VTI1A: variants seen among roughly 807,000 people sequenced by gnomAD.
The protein encoded by VTI1A is vesicle transport through interaction with t-SNAREs homolog 1A.
A neutral mutation model predicts 34.9 loss-of-function variants in VTI1A; 22 were observed. The observed-to-expected ratio is 0.63, with a 90% CI of 0.45 to 0.90. The LOEUF is 0.90. VTI1A is among the 40% of genes least tolerant of loss of function. VTI1A has a pLI of 0.00. For synonymous variants in VTI1A, 87 were observed against 97.3 expected (o/e 0.89, Z 0.62); for missense variants, 268 against 275.6 (o/e 0.97, Z 0.20).
intron 7 of VTI1A, among the ~76,000 whole-genome samples, chr10:112,804,049 A>G (rs902501056): frequency 1.3e-5 from 2 of 152,220 alleles, no homozygotes; most frequent in Non-Finnish European, 2.9e-5. Flanking sequence ...TTTGCTGTAC[A>G]CATTTGGCAA....
intron 3 of VTI1A, among the ~76,000 whole-genome samples, chr10:112,508,329 T>G (rs1849500714): frequency 6.6e-6 from 1 of 152,220 alleles, no homozygotes; most frequent in Non-Finnish European, 1.5e-5. Flanking sequence ...TTTCATGCTC[T>G]TTGTCACCTT....
chr10:112,584,378 A>G (rs1386736587), intron 5 of VTI1A, among the ~76,000 whole-genome samples: 1 of 152,210 alleles, frequency 6.6e-6, no homozygotes, highest in Non-Finnish European at 1.5e-5. Context: ...TCAGGGCACT[A>G]CTGAGAAATA....
rs567451710 is a variant in VTI1A, at chr10:112,677,082, C to A, written c.560+8084C>A. 7.9e-5 allele frequency among the ~76,000 whole-genome samples: 12 copies of A among 152,242 alleles called. No individual in the cohort carries two copies. The East Asian group carries it at 2.3e-3, about 29-fold the overall frequency. ...GATTGGTTCTGGTTAGGTAAAACTC[C>A]ATTAATCTATGATCTGATGTTCTAG... On this transcript the variant is annotated intron_variant, in intron 7 of 7. Coordinates refer to ENST00000393077, the MANE Select transcript of VTI1A (RefSeq NM_145206.4).
chr10:112,658,649 C>T (rs542004341), intron 5 of VTI1A, among the ~76,000 whole-genome samples: 7 of 152,146 alleles, frequency 4.6e-5, no homozygotes, highest in Middle Eastern at 3.4e-3. Context: ...TCTAATCCTA[C>T]GGCAGCCAAG....
At chr10:112,641,086 G>T (rs561294202) in intron 5 of VTI1A, among the ~76,000 whole-genome samples, 2 of 150,770 alleles carry the variant, frequency 1.3e-5, no homozygotes, top group Non-Finnish European at 2.9e-5. Context: ...TTCTTTCAAG[G>T]TGATCATTCT....
At chr10:112,602,130 A>G (rs1844901139) in intron 5 of VTI1A, among the ~76,000 whole-genome samples, 1 of 152,234 alleles carries the variant, frequency 6.6e-6, no homozygotes, top group South Asian at 2.1e-4. Context: ...TCTAAAGTTA[A>G]CATGAGCAAT....
At chr10:112,682,924 C>G (rs1848269630) in intron 7 of VTI1A, among the ~76,000 whole-genome samples, 1 of 152,208 alleles carries the variant, frequency 6.6e-6, no homozygotes, top group Non-Finnish European at 1.5e-5. Context: ...GAGGGGGTGC[C>G]ATTCTTTCAC....
chr10:112,620,915 G>C (rs1306582457), intron 5 of VTI1A, among the ~76,000 whole-genome samples: 1 of 152,182 alleles, frequency 6.6e-6, no homozygotes, highest in Non-Finnish European at 1.5e-5. Context: ...ATTGGTGTTA[G>C]GTGAGCAATG....
chr10:112,851,751 T>C, the VTI1A span, among the ~76,000 whole-genome samples: 47 of 152,266 alleles, frequency 3.1e-4, no homozygotes, highest in African/African-American at 1.1e-3. Flanking sequence ...GAGACGCATT[T>C]GAACTTGAGA....
At chr10:112,821,084 C>T (rs75759984), downstream of VTI1A, among the ~76,000 whole-genome samples, 888 of 152,314 alleles carry the variant, frequency 5.8e-3, 10 homozygotes, top group African/African-American at 0.02. Flanking sequence ...TCGCTCGTTA[C>T]TCGTGCTACA....
intron 5 of VTI1A, among the ~76,000 whole-genome samples, chr10:112,554,460 A>G (rs1321829230): frequency 1.3e-5 from 2 of 152,186 alleles, no homozygotes; most frequent in African/African-American, 4.8e-5. Context: ...ATAATAATGT[A>G]AGTGATAATG....
intron 5 of VTI1A, among the ~76,000 whole-genome samples, chr10:112,644,519 AAT>A (rs1396127859): frequency 6.6e-6 from 1 of 152,196 alleles, no homozygotes; most frequent in Non-Finnish European, 1.5e-5. Flanking sequence ...TTTATTGGAT[AAT>A]GAACTGTTAA....
chr10:112,827,658 C>T, the VTI1A span: 2 of 152,084 alleles, frequency 1.3e-5, no homozygotes, highest in Non-Finnish European at 2.9e-5. Context: ...ACAAGTAATA[C>T]ATTTTGATTG....
chr10:112,486,816 C>CT (rs1321872726), intron 3 of VTI1A, among the ~76,000 whole-genome samples: 12 of 148,972 alleles, frequency 8.1e-5, no homozygotes, highest in African/African-American at 1.5e-4. Context: ...ATACATAAAT[C>CT]TTTTTTTTTT....
intron 7 of VTI1A, among the ~76,000 whole-genome samples, chr10:112,768,993 T>G (rs1175056435): frequency 6.6e-6 from 1 of 152,176 alleles, no homozygotes; most frequent in Non-Finnish European, 1.5e-5. Flanking sequence ...TCAAAATAAG[T>G]TTTTTTGGTT....
At chr10:112,694,077 G>A (rs1400990619) in intron 7 of VTI1A, among the ~76,000 whole-genome samples, 4 of 151,986 alleles carry the variant, frequency 2.6e-5, no homozygotes, top group Admixed American at 2.0e-4. Context: ...TTGGTGGCGC[G>A]TGCCTGTAAT....
chr10:112,578,357 C>G (rs888826933), intron 5 of VTI1A, among the ~76,000 whole-genome samples: 4 of 152,094 alleles, frequency 2.6e-5, no homozygotes, highest in Non-Finnish European at 5.9e-5. Flanking sequence ...GAAACCCTAT[C>G]AGAAATCCAC....
chr10:112,606,627 C>T (rs1845095669), intron 5 of VTI1A, among the ~76,000 whole-genome samples: 1 of 152,144 alleles, frequency 6.6e-6, no homozygotes, highest in South Asian at 2.1e-4. Context: ...TTTTCAGTTA[C>T]TCCTAGTACT....
chr10:112,496,435 G>A (rs1356551421), intron 3 of VTI1A, among the ~76,000 whole-genome samples: 1 of 152,020 alleles, frequency 6.6e-6, no homozygotes, highest in Non-Finnish European at 1.5e-5. Context: ...GCCAGGCGTG[G>A]TGATGCGCAC....
Sources: gnomAD v4.1 joint callset for allele counts (sites outside exome capture counted in the v4.1 genomes callset) on GRCh38, gnomAD v4.1.1 for gene constraint, MANE v1.5 for transcripts, NCBI Gene and HGNC (gene_info 2026-07-23, HGNC 2026-07-21) for gene names.